Variants in SPAG16 observed in about 807,000 individuals in gnomAD.
SPAG16 encodes sperm-associated antigen 16 protein.
A neutral mutation model predicts 80.4 loss-of-function variants in SPAG16; 86 were observed. The ratio of observed to expected loss-of-function variants is 1.07; its 90% CI spans 0.90 to 1.28. The LOEUF is 1.28. Ranked by LOEUF, SPAG16 falls within the 50% of genes most tolerant of loss-of-function variation. The probability of loss-of-function intolerance (pLI) is 0.00; values close to 1 mark genes in which losing one functional copy is unlikely to be tolerated. For synonymous variants in SPAG16, 294 were observed against 265.9 expected (o/e 1.11, Z -1.03); for missense variants, 870 against 765.3 (o/e 1.14, Z -1.61).
At chr2:213,723,570 C>G (rs1262751368) in intron 10 of SPAG16, among the ~76,000 whole-genome samples, 1 of 152,142 alleles carries the variant, frequency 6.6e-6, no homozygotes, top group Non-Finnish European at 1.5e-5. Flanking sequence ...TGCAAGCACT[C>G]AAGAAACATG....
intron 11 of SPAG16, among the ~76,000 whole-genome samples, chr2:213,870,665 C>T (rs2105983860): frequency 6.6e-6 from 1 of 152,240 alleles, no homozygotes; most frequent in Non-Finnish European, 1.5e-5. Context: ...ATAAAGCATT[C>T]AGCACAGTTC....
At chr2:213,836,576 A>C (rs559824103) in intron 10 of SPAG16, among the ~76,000 whole-genome samples, 1 of 151,902 alleles carries the variant, frequency 6.6e-6, no homozygotes, top group South Asian at 2.1e-4. Flanking sequence ...TGATTTTTTT[A>C]ATGAGACCTT....
intron 9 of SPAG16, among the ~76,000 whole-genome samples, chr2:213,380,277 T>C (rs924922027): frequency 3.9e-5 from 6 of 152,198 alleles, no homozygotes; most frequent in African/African-American, 1.4e-4. Flanking sequence ...AAAGGGGCTG[T>C]GGTGCTGTAG....
intron 15 of SPAG16, chr2:214,238,265 C>T: frequency 3.3e-6 from 1 of 305,108 alleles, no homozygotes; most frequent in South Asian, 2.7e-5. Context: ...ATATTTTATG[C>T]CTCGTTTTCC....
chr2:214,397,600 A>G (rs1438560522), intron 15 of SPAG16, among the ~76,000 whole-genome samples: 1 of 152,172 alleles, frequency 6.6e-6, no homozygotes. Flanking sequence ...GCCTCACTGT[A>G]GATCAAGGGA....
intron 9 of SPAG16, among the ~76,000 whole-genome samples, chr2:213,466,109 T>C (rs895109588): frequency 2.0e-5 from 3 of 152,156 alleles, no homozygotes; most frequent in South Asian, 2.1e-4. Context: ...CCCTTGAACA[T>C]TGGACTCCAA....
chr2:213,297,639 A>C (rs1019016375), intron 3 of SPAG16, among the ~76,000 whole-genome samples: 2 of 152,130 alleles, frequency 1.3e-5, no homozygotes, highest in Non-Finnish European at 2.9e-5. Flanking sequence ...TAAACCAATA[A>C]TTTTCAACAT....
At chr2:214,031,011 C>G (rs1441086901) in intron 13 of SPAG16, among the ~76,000 whole-genome samples, 1 of 152,154 alleles carries the variant, frequency 6.6e-6, no homozygotes, top group African/African-American at 2.4e-5. Context: ...TTTGTTCTCA[C>G]TTTGCTATAA....
At chr2:214,240,768 T>A (rs1384347841) in intron 15 of SPAG16, 1 of 152,154 alleles carries the variant, frequency 6.6e-6, no homozygotes, top group Admixed American at 6.5e-5. Context: ...ATCTAGAATT[T>A]ATAGAAATTC....
chr2:214,366,493 A>G (rs1378835466), intron 15 of SPAG16, among the ~76,000 whole-genome samples: 2 of 152,210 alleles, frequency 1.3e-5, no homozygotes, highest in African/African-American at 2.4e-5. Context: ...GTGATGGTTT[A>G]AAAACATATA....
chr2:214,316,579 C>T (rs1576761856), intron 15 of SPAG16, among the ~76,000 whole-genome samples: 1 of 152,152 alleles, frequency 6.6e-6, no homozygotes, highest in Non-Finnish European at 1.5e-5. Flanking sequence ...AATCTCCCCT[C>T]CCTATACCCA....
chr2:213,385,590 C>T (rs2067384288), intron 9 of SPAG16, among the ~76,000 whole-genome samples: 1 of 151,936 alleles, frequency 6.6e-6, no homozygotes, highest in Admixed American at 6.6e-5. Context: ...GGTCTGTTGG[C>T]CAGTAAGGAG....
chr2:213,952,399 C>G (rs2079836351), intron 12 of SPAG16, among the ~76,000 whole-genome samples: 1 of 151,854 alleles, frequency 6.6e-6, no homozygotes, highest in South Asian at 2.1e-4. Flanking sequence ...AATGCTATGC[C>G]TTCCATATTT....
chr2:214,344,186 A>C (rs761158279), intron 15 of SPAG16, among the ~76,000 whole-genome samples: 1 of 151,542 alleles, frequency 6.6e-6, no homozygotes, highest in African/African-American at 2.4e-5. Flanking sequence ...TTGAATGACT[A>C]TTCAAAACCT....
intron 15 of SPAG16, among the ~76,000 whole-genome samples, chr2:214,203,096 C>A (rs2058052266): frequency 6.6e-6 from 1 of 152,122 alleles, no homozygotes; most frequent in Non-Finnish European, 1.5e-5. Context: ...GCTTTATTCA[C>A]ACTAAATGAA....
At chr2:213,967,673 AAAGT>A (rs2106369869) in intron 12 of SPAG16, among the ~76,000 whole-genome samples, 1 of 152,332 alleles carries the variant, frequency 6.6e-6, no homozygotes, top group South Asian at 2.1e-4. Flanking sequence ...ATTAAATAGC[AAAGT>A]AAGGTAATTA....
chr2:214,307,172 A>G (rs1481835135), intron 15 of SPAG16, among the ~76,000 whole-genome samples: 1 of 152,110 alleles, frequency 6.6e-6, no homozygotes, highest in Non-Finnish European at 1.5e-5. Flanking sequence ...TTATGTGCAT[A>G]GAGGTGTTCG....
At chr2:213,518,313 C>T (rs1274576924) in intron 10 of SPAG16, among the ~76,000 whole-genome samples, 1 of 152,190 alleles carries the variant, frequency 6.6e-6, no homozygotes, top group East Asian at 1.9e-4. Flanking sequence ...GTTACCCATG[C>T]TGGAGTGCAG....
At chr2:214,183,647 G>A (rs1309737570) in intron 15 of SPAG16, among the ~76,000 whole-genome samples, 1 of 151,996 alleles carries the variant, frequency 6.6e-6, no homozygotes, top group African/African-American at 2.4e-5. Context: ...AGGGAAGCAG[G>A]GACAAGGGTG....
Sources: gnomAD v4.1 joint callset for allele counts (sites outside exome capture counted in the v4.1 genomes callset) on GRCh38, gnomAD v4.1.1 for gene constraint, MANE v1.5 for transcripts, NCBI Gene and HGNC (gene_info 2026-07-23, HGNC 2026-07-21) for gene names.